Variants in IL19 observed in about 807,000 individuals in gnomAD.
IL19 encodes the protein interleukin 19.
IL19 carries 15 observed loss-of-function variants against 19.5 expected under a neutral mutation model. That is an observed-to-expected ratio of 0.77 (90% CI 0.52 to 1.19). The LOEUF is 1.19. IL19 is among the 50% of genes most tolerant of loss of function. IL19 has a pLI of 0.00. For missense variants in IL19, 199 were observed against 213.1 expected, an observed-to-expected ratio of 0.93 and a Z score of 0.41; for synonymous variants, 78 against 78.3, an observed-to-expected ratio of 1.00 and a Z score of 0.02.
chr1:206,776,401 G>A, intron 1 of IL19, among the ~76,000 whole-genome samples: 1 of 151,886 alleles, frequency 6.6e-6, no homozygotes. Context: ...AGCTGCAGAG[G>A]AATCTGGGCA....
chr1:206,839,797 T>C, intron 4 of IL19, 53 bp from the exon 5 acceptor site: 1 of 1,523,910 alleles, frequency 6.6e-7, no homozygotes, highest in South Asian at 1.3e-5. Flanking sequence ...TGCCCTGGTC[T>C]CCAACATAAT....
intron 1 of IL19, among the ~76,000 whole-genome samples, chr1:206,783,663 G>A (rs1035426588): frequency 6.6e-6 from 1 of 152,138 alleles, no homozygotes; most frequent in Admixed American, 6.6e-5. Context: ...CCTACCCTGG[G>A]TCCAAGTGTT....
At chr1:206,840,698 T>A (rs1676983679) in intron 5 of IL19, 2 of 306,672 alleles carry the variant, frequency 6.5e-6, no homozygotes, top group Non-Finnish European at 1.2e-5. Flanking sequence ...ATTTAACAAA[T>A]GTTTGTTGAG....
intron 2 of IL19, among the ~76,000 whole-genome samples, chr1:206,803,802 C>A (rs1675776836): frequency 1.3e-5 from 2 of 152,130 alleles, no homozygotes; most frequent in Admixed American, 1.3e-4. Context: ...TCAAAATAAT[C>A]CTAAGCTTTA....
intron 1 of IL19, among the ~76,000 whole-genome samples, chr1:206,781,414 C>CAAAAAAAAAAAAAAAAAAAAA (rs57060549): frequency 2.6e-3 from 112 of 42,918 alleles, no homozygotes; most frequent in East Asian, 3.5e-3. Flanking sequence ...GACTCTGTCT[C>CAAAAAAAAAAAAAAAAAAAAA]AAAAAAAAAA....
At chr1:206,832,154 T>C (rs894755508) in intron 2 of IL19, among the ~76,000 whole-genome samples, 7 of 152,248 alleles carry the variant, frequency 4.6e-5, no homozygotes, top group Admixed American at 4.6e-4. Flanking sequence ...AGTAGCTCTT[T>C]GCACCCTCTC....
chr1:206,819,968 C>G (rs1167500548), intron 2 of IL19, among the ~76,000 whole-genome samples: 1 of 152,168 alleles, frequency 6.6e-6, no homozygotes, highest in Non-Finnish European at 1.5e-5. Flanking sequence ...TTATGTGGGT[C>G]TCATATCTCC....
In IL19 at chr1:206,772,299, T is replaced by C. The variant is rs769965755; in HGVS notation, c.-149+1221T>C. ...GAAAGTCTTCACTCTGCTGAAGGCA[T>C]CTCGGAGATCTCGAAGCATGTTAGG... On this transcript the variant is annotated intron_variant, in intron 1 of 6. Coordinates refer to ENST00000659997, the MANE Select transcript of IL19 (RefSeq NM_153758.5). 1.9e-6 allele frequency: 3 copies of C among 1,614,182 alleles called. No homozygotes were observed. The highest frequency in any genetic ancestry group is 2.5e-6 in the Non-Finnish European group (3 of 1,180,014).
intron 1 of IL19, among the ~76,000 whole-genome samples, chr1:206,793,917 G>A (rs1017370430): frequency 6.6e-6 from 1 of 152,166 alleles, no homozygotes; most frequent in African/African-American, 2.4e-5. Context: ...GGGAAGGAGA[G>A]TGGGGACAGG....
intron 2 of IL19, among the ~76,000 whole-genome samples, chr1:206,823,927 C>G (rs1230354528): frequency 6.6e-6 from 1 of 152,136 alleles, no homozygotes; most frequent in Non-Finnish European, 1.5e-5. Flanking sequence ...GGCCCTGCTT[C>G]CCTCCGTCTT....
At chr1:206,782,252 T>C (rs544276797) in intron 1 of IL19, among the ~76,000 whole-genome samples, 58 of 152,202 alleles carry the variant, frequency 3.8e-4, no homozygotes, top group African/African-American at 1.3e-3. Context: ...TGCATTTTTT[T>C]CCAAGCATTT....
intron 1 of IL19, chr1:206,771,443 C>G: frequency 6.3e-7 from 1 of 1,575,294 alleles, no homozygotes. Flanking sequence ...GGAGAATGAA[C>G]TTGAGGTTTG....
intron 2 of IL19, among the ~76,000 whole-genome samples, chr1:206,807,438 A>G (rs1041520233): frequency 6.6e-6 from 1 of 152,164 alleles, no homozygotes; most frequent in African/African-American, 2.4e-5. Flanking sequence ...CTTGCTGTGC[A>G]CATGCTAAGC....
chr1:206,821,893 G>A (rs1485699200), intron 2 of IL19, among the ~76,000 whole-genome samples: 1 of 152,214 alleles, frequency 6.6e-6, no homozygotes, highest in Non-Finnish European at 1.5e-5. Flanking sequence ...GGTTTGGTCT[G>A]CACCTTAATT....
At chr1:206,825,572 T>C (rs1676418875) in intron 2 of IL19, among the ~76,000 whole-genome samples, 1 of 152,216 alleles carries the variant, frequency 6.6e-6, no homozygotes, top group African/African-American at 2.4e-5. Flanking sequence ...CTGAATCTAG[T>C]TATGTTGGAT....
chr1:206,791,453 C>T (rs545713543), intron 1 of IL19, among the ~76,000 whole-genome samples: 4 of 152,264 alleles, frequency 2.6e-5, no homozygotes, highest in African/African-American at 9.6e-5. Flanking sequence ...CAGGCGCCGG[C>T]CATCATGCCC....
chr1:206,837,462 G>A (rs1676836930), intron 4 of IL19, among the ~76,000 whole-genome samples: 1 of 152,124 alleles, frequency 6.6e-6, no homozygotes, highest in Admixed American at 6.6e-5. Flanking sequence ...TGACCCAAAG[G>A]ACATATAAGT....
chr1:206,807,896 A>G (rs1205409940), intron 2 of IL19, among the ~76,000 whole-genome samples: 1 of 149,492 alleles, frequency 6.7e-6, no homozygotes, highest in Non-Finnish European at 1.5e-5. Flanking sequence ...TGATTTAACT[A>G]TAATTTCTAA....
intron 1 of IL19, among the ~76,000 whole-genome samples, chr1:206,776,731 C>T (rs1191131848): frequency 1.3e-5 from 2 of 151,798 alleles, no homozygotes; most frequent in Non-Finnish European, 1.5e-5. Context: ...CACTAAAATG[C>T]TAATTAGGCA....
Sources: gnomAD v4.1 joint callset for allele counts (sites outside exome capture counted in the v4.1 genomes callset) on GRCh38, gnomAD v4.1.1 for gene constraint, MANE v1.5 for transcripts, NCBI Gene and HGNC (gene_info 2026-07-23, HGNC 2026-07-21) for gene names.